The following DDAH1 variants were observed in gnomAD, a reference collection of about 807,000 sequenced individuals.
DDAH1 encodes the protein dimethylarginine dimethylaminohydrolase 1, also known as N(G),N(G)-dimethylarginine dimethylaminohydrolase 1.
In DDAH1, 19 loss-of-function variants were observed where a neutral mutation model predicts 28.8. The ratio of observed to expected loss-of-function variants is 0.66; its 90% confidence interval spans 0.46 to 0.97. The LOEUF is 0.97. Ranked by LOEUF, DDAH1 falls within the 50% of genes least tolerant of loss-of-function variation. The probability of loss-of-function intolerance (pLI) is 0.00; values close to 1 mark genes in which losing one functional copy is unlikely to be tolerated. For synonymous variants in DDAH1, 153 were observed against 154.4 expected, an observed-to-expected ratio of 0.99 and a Z score of 0.07; for missense variants, 326 against 375.9, an observed-to-expected ratio of 0.87 and a Z score of 1.10.
chr1:85,348,378 T>G (rs1027885343), intron 4 of DDAH1, among the ~76,000 whole-genome samples: 2 of 152,142 alleles, frequency 1.3e-5, no homozygotes, highest in African/African-American at 4.8e-5. Context: ...TCTGAAACAA[T>G]GCAGGGCTTT....
chr1:85,412,947 GC>G (rs1652727437), intron 1 of DDAH1, among the ~76,000 whole-genome samples: 1 of 152,158 alleles, frequency 6.6e-6, no homozygotes, highest in Non-Finnish European at 1.5e-5. Flanking sequence ...GTATCAGTGA[GC>G]TGTGATGGTG....
intron 4 of DDAH1, among the ~76,000 whole-genome samples, chr1:85,349,839 T>G (rs971281433): frequency 2.0e-5 from 3 of 152,238 alleles, no homozygotes; most frequent in African/African-American, 7.2e-5. Context: ...ACTTCCACTC[T>G]TGATTTAGCC....
At chr1:85,339,620 T>A (rs976048177) in intron 4 of DDAH1, among the ~76,000 whole-genome samples, 1 of 152,206 alleles carries the variant, frequency 6.6e-6, no homozygotes, top group African/African-American at 2.4e-5. Flanking sequence ...TCAGTATTTC[T>A]AAGGATGATC....
chr1:85,443,722 T>A (rs1479767846), intron 1 of DDAH1, among the ~76,000 whole-genome samples: 1 of 152,176 alleles, frequency 6.6e-6, no homozygotes, highest in Non-Finnish European at 1.5e-5. Flanking sequence ...CTTGAAGAGG[T>A]CCTTCACATC....
chr1:85,471,217 G>A (rs1374329089), intron 2 of DDAH1, among the ~76,000 whole-genome samples: 5 of 152,148 alleles, frequency 3.3e-5, no homozygotes, highest in African/African-American at 1.2e-4. Context: ...AGCTTCTGCT[G>A]GCGGCCCCTA....
chr1:85,508,103 TCTC>T (rs1361735673), intron 1 of DDAH1, among the ~76,000 whole-genome samples: 2 of 152,226 alleles, frequency 1.3e-5, no homozygotes, highest in African/African-American at 4.8e-5. Context: ...TGCCAGATCT[TCTC>T]CTTTGTACTT....
At chr1:85,496,705 T>C (rs1656607304) in intron 1 of DDAH1, among the ~76,000 whole-genome samples, 1 of 152,214 alleles carries the variant, frequency 6.6e-6, no homozygotes, top group Non-Finnish European at 1.5e-5. Context: ...ATTAATTGAA[T>C]TATATCTTGT....
intron 1 of DDAH1, among the ~76,000 whole-genome samples, chr1:85,460,703 C>A (rs1285098188): frequency 2.6e-5 from 4 of 152,104 alleles, no homozygotes; most frequent in Admixed American, 6.5e-5. Flanking sequence ...GTACTAAGAA[C>A]CTTTGGACAG....
chr1:85,338,989 G>A (rs373706635), intron 4 of DDAH1, among the ~76,000 whole-genome samples: 45 of 150,864 alleles, frequency 3.0e-4, no homozygotes, highest in African/African-American at 1.0e-3. Context: ...GGAGGTTGCC[G>A]TGAGCTAAGA....
chr1:85,409,246 CT>C (rs892264657), intron 1 of DDAH1, among the ~76,000 whole-genome samples: 106 of 152,302 alleles, frequency 7.0e-4, no homozygotes, highest in African/African-American at 2.4e-3. Context: ...TTGGACACCC[CT>C]GGTCCAGACT....
intron 1 of DDAH1, among the ~76,000 whole-genome samples, chr1:85,435,695 A>C (rs1046252551): frequency 1.5e-4 from 23 of 152,218 alleles, no homozygotes; most frequent in Non-Finnish European, 2.9e-4. Flanking sequence ...GAAGTGAGAG[A>C]GCCAAGTGGC....
chr1:85,394,102 G>A (rs1183602777), intron 1 of DDAH1, among the ~76,000 whole-genome samples: 2 of 152,174 alleles, frequency 1.3e-5, no homozygotes, highest in Non-Finnish European at 2.9e-5. Flanking sequence ...AAATGCTATG[G>A]TTTGCTGTGT....
At chr1:85,329,894 AGTG>A (rs1647657749) in intron 4 of DDAH1, among the ~76,000 whole-genome samples, 1 of 152,260 alleles carries the variant, frequency 6.6e-6, no homozygotes, top group Non-Finnish European at 1.5e-5. Context: ...GGATGTATGA[AGTG>A]GTAACTGTAG....
At chr1:85,433,371 T>C (rs1386183098) in intron 1 of DDAH1, among the ~76,000 whole-genome samples, 1 of 152,132 alleles carries the variant, frequency 6.6e-6, no homozygotes, top group Non-Finnish European at 1.5e-5. Context: ...TCTACCTCTC[T>C]TCAGTGATTT....
At chr1:85,505,241 A>G (rs1656974390) in intron 1 of DDAH1, among the ~76,000 whole-genome samples, 1 of 151,904 alleles carries the variant, frequency 6.6e-6, no homozygotes, top group South Asian at 2.1e-4. Context: ...TTGGCCTCCC[A>G]AAGCCAAATA....
At chr1:85,577,250 T>A (rs1184671159) in intron 1 of DDAH1, among the ~76,000 whole-genome samples, 1 of 152,046 alleles carries the variant, frequency 6.6e-6, no homozygotes, top group Non-Finnish European at 1.5e-5. Context: ...TCTCCGCGCG[T>A]CGGCCACCCA....
intron 1 of DDAH1, among the ~76,000 whole-genome samples, chr1:85,371,648 C>T (rs1007319068): frequency 2.6e-5 from 4 of 152,182 alleles, no homozygotes; most frequent in Non-Finnish European, 5.9e-5. Flanking sequence ...GCAAGAACAA[C>T]TTTCAAACAC....
At chr1:85,574,524 T>C (rs1036884582) in intron 1 of DDAH1, among the ~76,000 whole-genome samples, 38 of 152,200 alleles carry the variant, frequency 2.5e-4, no homozygotes, top group African/African-American at 8.9e-4. Flanking sequence ...CTCCTGTTCA[T>C]CCTTTCAGCC....
At chr1:85,348,395 A>T (rs1648996670) in intron 4 of DDAH1, among the ~76,000 whole-genome samples, 1 of 152,120 alleles carries the variant, frequency 6.6e-6, no homozygotes, top group Non-Finnish European at 1.5e-5. Context: ...CTTTCTCCTC[A>T]AAGACCCAGA....
Sources: gnomAD v4.1 joint callset for allele counts (sites outside exome capture counted in the v4.1 genomes callset) on GRCh38, gnomAD v4.1.1 for gene constraint, MANE v1.5 for transcripts, NCBI Gene and HGNC (gene_info 2026-07-23, HGNC 2026-07-21) for gene names.